KSR2: variants seen among roughly 807,000 people sequenced by gnomAD.
The protein encoded by KSR2 is kinase suppressor of ras 2.
A neutral mutation model predicts 107.8 loss-of-function variants in KSR2; 25 were observed. That is an observed-to-expected ratio of 0.23 (90% confidence interval 0.17 to 0.32). The LOEUF (loss-of-function observed/expected upper bound fraction) is 0.32, where lower values mean the gene tolerates loss of function less well. Ranked by LOEUF, KSR2 falls within the 10% of genes least tolerant of loss-of-function variation. KSR2 has a pLI of 1.00. For synonymous variants in KSR2, 480 were observed against 507.0 expected, an observed-to-expected ratio of 0.95 and a Z score of 0.71; for missense variants, 887 against 1,268.9, an observed-to-expected ratio of 0.70 and a Z score of 4.57.
chr12:117,771,214 G>A (rs1204047642), intron 3 of KSR2, among the ~76,000 whole-genome samples: 1 of 152,164 alleles, frequency 6.6e-6, no homozygotes, highest in Non-Finnish European at 1.5e-5. Flanking sequence ...TCTACTCAAA[G>A]TCATCTCTCT....
At chr12:117,652,180 G>A (rs1325119943) in intron 5 of KSR2, among the ~76,000 whole-genome samples, 1 of 152,082 alleles carries the variant, frequency 6.6e-6, no homozygotes, top group Non-Finnish European at 1.5e-5. Flanking sequence ...GGGGGGCGAG[G>A]GATGAAAAGA....
chr12:117,867,168 G>A (rs1046885772), intron 1 of KSR2, among the ~76,000 whole-genome samples: 1 of 151,930 alleles, frequency 6.6e-6, no homozygotes, highest in African/African-American at 2.4e-5. Flanking sequence ...ATACAAAAAT[G>A]ATCCAGGCAT....
At chr12:117,679,447 T>G (rs1195202843) in intron 4 of KSR2, among the ~76,000 whole-genome samples, 1 of 152,242 alleles carries the variant, frequency 6.6e-6, no homozygotes, top group Non-Finnish European at 1.5e-5. Flanking sequence ...TGTGATGCAC[T>G]GTGTTCTTAC....
At chr12:117,586,787 G>A (rs546308083) in intron 5 of KSR2, among the ~76,000 whole-genome samples, 3 of 152,084 alleles carry the variant, frequency 2.0e-5, no homozygotes, top group Non-Finnish European at 4.4e-5. Context: ...TAGCGTATCA[G>A]CCATGATCAT....
At chr12:117,564,901 T>C (rs1255651813) in intron 7 of KSR2, among the ~76,000 whole-genome samples, 4 of 152,206 alleles carry the variant, frequency 2.6e-5, no homozygotes, top group Non-Finnish European at 5.9e-5. Flanking sequence ...TTCTTATAAA[T>C]CGTATCCCTC....
At chr12:117,862,824 G>A (rs1566056368) in intron 1 of KSR2, among the ~76,000 whole-genome samples, 1 of 151,264 alleles carries the variant, frequency 6.6e-6, no homozygotes, top group Non-Finnish European at 1.5e-5. Context: ...CCGCCTCCTG[G>A]GTTCCCTCCA....
At chr12:117,815,696 C>T (rs1258977764) in intron 3 of KSR2, among the ~76,000 whole-genome samples, 1 of 150,086 alleles carries the variant, frequency 6.7e-6, no homozygotes, top group Non-Finnish European at 1.5e-5. Context: ...GTGTGGGGGG[C>T]GCAGACGCAG....
At chr12:117,618,028 C>A (rs772288148) in intron 5 of KSR2, among the ~76,000 whole-genome samples, 10 of 152,130 alleles carry the variant, frequency 6.6e-5, no homozygotes, top group Non-Finnish European at 1.0e-4. Context: ...TCAGTCATGT[C>A]ATTTTATGTC....
rs535139638 is a variant in KSR2, at chr12:117,924,482, G to A, written c.180+43594C>T. Among the ~76,000 whole-genome samples the A allele has an allele frequency of 2.9e-5, 4 of 139,102 alleles. No homozygotes were observed. The East Asian group carries it at 9.1e-4, about 32-fold the overall frequency. The allele number at this position is 139,102 out of a possible 152,430, so 91.3% of individuals were successfully genotyped here. A position where few individuals can be genotyped will look rare whatever the true frequency, so the allele number is the denominator to read the frequency against. ...AGCTACTCAGGAGGCTGAGGCAGGAGAATCACTTGAACCCGGGAAGCAGAG... is the reference window on the plus strand; with the variant it reads ...AGCTACTCAGGAGGCTGAGGCAGGAAAATCACTTGAACCCGGGAAGCAGAG... On this transcript the variant is annotated intron_variant, in intron 1 of 19. Transcript: ENST00000339824.
intron 14 of KSR2, among the ~76,000 whole-genome samples, chr12:117,518,130 A>G (rs1251218800): frequency 1.3e-5 from 2 of 152,194 alleles, no homozygotes; most frequent in Non-Finnish European, 2.9e-5. Context: ...GAGATGGGTA[A>G]GTGCTGGATA....
chr12:117,964,134 A>G (rs1207247296), intron 1 of KSR2, among the ~76,000 whole-genome samples: 1 of 152,068 alleles, frequency 6.6e-6, no homozygotes, highest in African/African-American at 2.4e-5. Context: ...AAAAATTACC[A>G]GGGCATGGTG....
At chr12:117,916,081 G>A (rs1468396410) in intron 1 of KSR2, among the ~76,000 whole-genome samples, 4 of 151,466 alleles carry the variant, frequency 2.6e-5, no homozygotes, top group African/African-American at 4.9e-5. Context: ...GAATTCTTGG[G>A]GGTCTAAAAG....
rs567474443 is a variant in KSR2 at position 117,537,229 on chromosome 12, C to CAAA, written c.1687+2487_1687+2489dup. ...CTCCATCTCAAAACAACAACAACAA[C>CAAA]AAAAAAACTTTAACAGAAAATGCCA... On this transcript the variant is annotated intron_variant, in intron 10 of 19. Transcript: ENST00000339824. 8.5e-3 allele frequency among the ~76,000 whole-genome samples: 1,297 copies of CAAA among 151,896 alleles called. 10 individuals carry two copies. The highest frequency in any genetic ancestry group is 0.012 in the Non-Finnish European group (813 of 67,936).
chr12:117,808,967 G>T (rs1009649381), intron 3 of KSR2, among the ~76,000 whole-genome samples: 1 of 152,104 alleles, frequency 6.6e-6, no homozygotes, highest in Admixed American at 6.5e-5. Flanking sequence ...TCTACCTTCT[G>T]GGTGTCAATA....
intron 5 of KSR2, among the ~76,000 whole-genome samples, chr12:117,611,730 G>A (rs1565925609): frequency 6.6e-6 from 1 of 152,194 alleles, no homozygotes. Flanking sequence ...TACTGGAGAA[G>A]TAGAGATAAT....
chr12:117,795,492 T>A (rs937209587), intron 3 of KSR2, among the ~76,000 whole-genome samples: 1 of 152,106 alleles, frequency 6.6e-6, no homozygotes, highest in Non-Finnish European at 1.5e-5. Flanking sequence ...ACCAAGACCC[T>A]CTGGAAAGGA....
At chr12:117,740,659 A>C (rs976426626) in intron 4 of KSR2, among the ~76,000 whole-genome samples, 1 of 90,300 alleles carries the variant, frequency 1.1e-5, no homozygotes, top group African/African-American at 3.0e-5. Flanking sequence ...TATATGTAAT[A>C]TATAATATAT....
At chr12:117,938,382 G>A (rs1159688340) in intron 1 of KSR2, among the ~76,000 whole-genome samples, 1 of 151,910 alleles carries the variant, frequency 6.6e-6, no homozygotes, top group Non-Finnish European at 1.5e-5. Flanking sequence ...GGCCAGGTGT[G>A]GGGGCTCATG....
chr12:117,761,770 CATGTT>C (rs1188640854), intron 3 of KSR2, among the ~76,000 whole-genome samples: 4 of 152,162 alleles, frequency 2.6e-5, no homozygotes, highest in African/African-American at 9.7e-5. Context: ...ACATCGTATG[CATGTT>C]ATATCATATG....
Sources: gnomAD v4.1 joint callset for allele counts (sites outside exome capture counted in the v4.1 genomes callset) on GRCh38, gnomAD v4.1.1 for gene constraint, MANE v1.5 for transcripts, NCBI Gene and HGNC (gene_info 2026-07-23, HGNC 2026-07-21) for gene names.